TNFRSF8: variants seen among roughly 807,000 people sequenced by gnomAD.
The protein encoded by TNFRSF8 is tumor necrosis factor receptor superfamily member 8.
A neutral mutation model predicts 70.8 loss-of-function variants in TNFRSF8; 26 were observed. The observed-to-expected ratio is 0.37, with a 90% CI of 0.27 to 0.51. TNFRSF8 has a LOEUF of 0.51. Ranked by LOEUF, TNFRSF8 falls within the 20% of genes least tolerant of loss-of-function variation. TNFRSF8 has a pLI of 0.94. For synonymous variants in TNFRSF8, 356 were observed against 339.2 expected (o/e 1.05, Z -0.54); for missense variants, 720 against 807.9 (o/e 0.89, Z 1.32).
At chr1:12,069,066 T>C (rs1203983368) in intron 1 of TNFRSF8, among the ~76,000 whole-genome samples, 1 of 148,534 alleles carries the variant, frequency 6.7e-6, no homozygotes, top group East Asian at 2.0e-4. Flanking sequence ...AGAGATGGGG[T>C]TTCACCATGC....
chr1:12,140,196 T>C (rs1642226163), intron 14 of TNFRSF8, among the ~76,000 whole-genome samples: 1 of 152,112 alleles, frequency 6.6e-6, no homozygotes, highest in South Asian at 2.1e-4. Context: ...TCCCCTGGCA[T>C]GGCCTGCAGG....
chr1:12,094,396 C>T (rs1641294879), intron 2 of TNFRSF8, among the ~76,000 whole-genome samples: 1 of 152,024 alleles, frequency 6.6e-6, no homozygotes, highest in Non-Finnish European at 1.5e-5. Flanking sequence ...GGAGCATTGC[C>T]CCTTTGGGGA....
chr1:12,079,399 C>G (rs1055422763), intron 1 of TNFRSF8, among the ~76,000 whole-genome samples: 2 of 152,168 alleles, frequency 1.3e-5, no homozygotes, highest in African/African-American at 4.8e-5. Context: ...GGGCTTCCCC[C>G]TCCCACTCTT....
At chr1:12,121,714 C>T (rs1431162345) in intron 8 of TNFRSF8, among the ~76,000 whole-genome samples, 1 of 152,218 alleles carries the variant, frequency 6.6e-6, no homozygotes, top group Non-Finnish European at 1.5e-5. Context: ...GCATAGCAAT[C>T]CAGCCACCCT....
intron 1 of TNFRSF8, among the ~76,000 whole-genome samples, chr1:12,071,754 G>A (rs967752283): frequency 3.3e-5 from 5 of 152,140 alleles, no homozygotes; most frequent in African/African-American, 4.8e-5. Context: ...AGTACAGACA[G>A]GTTTCACCAT....
chr1:12,083,222 T>A (rs1029678859), intron 1 of TNFRSF8, among the ~76,000 whole-genome samples: 1 of 152,338 alleles, frequency 6.6e-6, no homozygotes, highest in Admixed American at 6.5e-5. Flanking sequence ...TGCCTACTAG[T>A]ACGACTACTT....
rs558807005 is a variant in TNFRSF8, at chr1:12,098,045, A to G, written c.268+828A>G. On this transcript the variant is annotated intron_variant, in intron 3 of 14. Coordinates refer to ENST00000263932, the MANE Select transcript of TNFRSF8 (RefSeq NM_001243.5). ...TGTGTTCTTTCTATTTTTGCTTCAT[A>G]TATGTCAAAGCTATGTTATTAGGTA... 2.6e-5 allele frequency among the ~76,000 whole-genome samples: 4 copies of G among 152,196 alleles called. No homozygotes were observed. The East Asian group carries it at 7.7e-4, about 29-fold the overall frequency.
At chr1:12,099,885 T>C (rs1422607777) in intron 3 of TNFRSF8, among the ~76,000 whole-genome samples, 1 of 152,110 alleles carries the variant, frequency 6.6e-6, no homozygotes, top group Non-Finnish European at 1.5e-5. Context: ...AAATACGACA[T>C]AGGCCGGGCA....
At position 12,109,689 on chromosome 1, in the gene TNFRSF8, C is replaced by A; in HGVS notation, c.512+33C>A. The A allele has an allele frequency of 6.3e-7, 1 of 1,586,410 alleles. No individual in the cohort carries two copies. Among genetic ancestry groups the A allele is most frequent in the Non-Finnish European group, 8.6e-7 (1 of 1,156,378 alleles). The stretch of plus-strand genomic sequence containing the variant: ...CCTGGCTTTGCCTCCTCCTCTTCCC[C>A]CAAGCTGGCTTTCAGATGAGGCTGC... On this transcript the variant is annotated intron_variant, in intron 5 of 14. Transcript: ENST00000263932. The surrounding 1 kb of genome is among the most constrained non-coding windows in gnomAD (Gnocchi z 4.4).
rs746074222 is a variant in TNFRSF8, at chr1:12,126,275, A to T, written c.1309+39A>T. On this transcript the variant is annotated intron_variant, in intron 12 of 14. Coordinates refer to ENST00000263932, the MANE Select transcript of TNFRSF8 (RefSeq NM_001243.5). The stretch of plus-strand genomic sequence containing the variant: ...CGTCCAAAGGGGCTGCCCGAGCCAG[A>T]GGAACACAGGGCAGCTCTGGGCCCG... 23 of 1,613,366 alleles carry T rather than the reference A, an allele frequency of 1.4e-5. No homozygotes were observed. In the East Asian group the frequency reaches 4.5e-4, roughly 31 times the overall value.
intron 1 of TNFRSF8, among the ~76,000 whole-genome samples, chr1:12,068,667 A>G (rs1640784668): frequency 6.6e-6 from 1 of 152,062 alleles, no homozygotes; most frequent in Admixed American, 6.6e-5. Context: ...GGTGACATGC[A>G]AGTATTCATG....
intron 4 of TNFRSF8, among the ~76,000 whole-genome samples, chr1:12,106,113 G>A (rs1237137562): frequency 1.3e-5 from 2 of 152,020 alleles, no homozygotes; most frequent in South Asian, 2.1e-4. Flanking sequence ...AGGGGAAAAC[G>A]TGTCTAAGCC....
intron 1 of TNFRSF8, among the ~76,000 whole-genome samples, chr1:12,079,529 A>C (rs1641026026): frequency 6.6e-6 from 1 of 152,204 alleles, no homozygotes; most frequent in South Asian, 2.1e-4. Context: ...GGAAATTCAC[A>C]GGGCCAGACT....
At chr1:12,104,060 T>G (rs947983064) in intron 3 of TNFRSF8, among the ~76,000 whole-genome samples, 9 of 152,192 alleles carry the variant, frequency 5.9e-5, no homozygotes, top group African/African-American at 1.9e-4. Context: ...TACTGATCTT[T>G]TTACTGTCTC....
At chr1:12,104,755 G>T (rs1425390337) in intron 4 of TNFRSF8, among the ~76,000 whole-genome samples, 1 of 152,188 alleles carries the variant, frequency 6.6e-6, no homozygotes, top group African/African-American at 2.4e-5. Flanking sequence ...CTGTCCCCTG[G>T]CATAGACCTG....
At chr1:12,079,902 A>T (rs1641033186) in intron 1 of TNFRSF8, among the ~76,000 whole-genome samples, 1 of 149,022 alleles carries the variant, frequency 6.7e-6, no homozygotes, top group African/African-American at 2.5e-5. Flanking sequence ...CTTTACATAT[A>T]CTTATCACTA....
Position 12,111,424 on chromosome 1 carries a change from C to T in TNFRSF8, c.677-474C>T, listed in dbSNP as rs113781582. ...CACAAACTCCTGGCCTCAAGTAATC[C>T]ACCCGCCTCAGCCTCCCAAAGTGCT... On this transcript the variant is annotated intron_variant, in intron 6 of 14. Coordinates refer to ENST00000263932, the MANE Select transcript of TNFRSF8 (RefSeq NM_001243.5). 1.7e-4 allele frequency among the ~76,000 whole-genome samples: 26 copies of T among 152,154 alleles called. 1 individual carries two copies. Among genetic ancestry groups the T allele is most frequent in the African/African-American group, 6.3e-4 (26 of 41,522 alleles).
rs139806068 is a variant in TNFRSF8 at position 12,073,770 on chromosome 1, A to G, written c.63+10109A>G. Among the ~76,000 whole-genome samples the G allele has an allele frequency of 5.0e-3, 747 of 150,898 alleles. 4 individuals carry two copies. The highest frequency in any genetic ancestry group is 0.017 in the African/African-American group (705 of 41,114). On this transcript the variant is annotated intron_variant, in intron 1 of 14. Transcript: ENST00000263932. ...CACCACGCCTGGCTAATTTTTATGT[A>G]TTTTTACTAGAGATGGGGTTTCACC...
At chr1:12,078,114 G>A (rs560425602) in intron 1 of TNFRSF8, 1 of 152,466 alleles carries the variant, frequency 6.6e-6, no homozygotes, top group Admixed American at 6.5e-5. Flanking sequence ...GGGCGTGGTG[G>A]ATGGGGTAGA....
Sources: gnomAD v4.1 joint callset for allele counts (sites outside exome capture counted in the v4.1 genomes callset) on GRCh38, gnomAD v4.1.1 for gene constraint, Gnocchi (gnomAD v3.1) non-coding constraint, MANE v1.5 for transcripts, NCBI Gene and HGNC (gene_info 2026-07-23, HGNC 2026-07-21) for gene names.